The following CYFIP1 variants were observed in gnomAD, a reference collection of about 807,000 sequenced individuals.
CYFIP1 encodes the protein cytoplasmic FMR1-interacting protein 1.
Under a neutral mutation model 163.5 loss-of-function variants are expected in CYFIP1, and 58 were observed. That is an observed-to-expected ratio of 0.35 (90% CI 0.29 to 0.44). The LOEUF is 0.44. Among genes scored for constraint, CYFIP1 ranks in the 20% least tolerant of loss-of-function variants. CYFIP1 has a pLI of 1.00. For synonymous variants in CYFIP1, 663 were observed against 660.7 expected (o/e 1.00, Z -0.05); for missense variants, 1,338 against 1,653.8 (o/e 0.81, Z 3.31).
intron 22 of CYFIP1, among the ~76,000 whole-genome samples, chr15:22,893,383 A>C (rs1329217790): frequency 6.6e-6 from 1 of 152,174 alleles, no homozygotes; most frequent in African/African-American, 2.4e-5. Flanking sequence ...AGGGACACTT[A>C]GGTATTTGTA....
intron 18 of CYFIP1, 120 bp from the exon 19 acceptor site, chr15:22,910,933 G>A (rs148125431): frequency 2.0e-5 from 17 of 869,904 alleles, no homozygotes; most frequent in East Asian, 7.3e-5. Context: ...TTTTTGAGAC[G>A]GAGTCTTGCT....
chr15:22,911,673 G>A (rs1452411343), intron 18 of CYFIP1, among the ~76,000 whole-genome samples: 4 of 152,180 alleles, frequency 2.6e-5, no homozygotes, highest in African/African-American at 9.7e-5. Flanking sequence ...CTGCAGGGCC[G>A]GGGACCTGTG....
At chr15:22,910,413 T>C (rs1229479171) in intron 20 of CYFIP1, 107 bp downstream of exon 20, 1 of 844,060 alleles carries the variant, frequency 1.2e-6, no homozygotes, top group Non-Finnish European at 1.9e-6. Flanking sequence ...CCGCCCACCT[T>C]GGCCTCCCAG....
At position 22,873,692 on chromosome 15, in the gene CYFIP1, T is replaced by G. The variant is rs754540890; in HGVS notation, c.3248A>C (p.Lys1083Thr). ...AIAREGDLLT[K>T]ERLCCGLSMF... Reference sequence around the variant, plus strand: ...GGACAGGCCGCAGCAGAGGCGCTCCTTTGTCAGCAGGTCCCCCTCTCTTGC... The same window carrying G: ...GGACAGGCCGCAGCAGAGGCGCTCCGTTGTCAGCAGGTCCCCCTCTCTTGC... Residue 1083 changes from lysine to threonine, a missense_variant, in exon 29 of 31, where the codon AAG becomes ACG. Physicochemically the swap from Lys to Thr is moderately conservative, Grantham distance 78. Transcript: ENST00000617928. 1 of 1,613,914 alleles carries G rather than the reference T, an allele frequency of 6.2e-7. No homozygotes were observed. The highest frequency in any genetic ancestry group is 1.1e-5 in the South Asian group (1 of 91,082).
intron 11 of CYFIP1, among the ~76,000 whole-genome samples, chr15:22,931,898 T>C (rs544244740): frequency 1.3e-5 from 2 of 152,102 alleles, no homozygotes; most frequent in Non-Finnish European, 2.9e-5. Context: ...GATACACAAA[T>C]ACATACCATT....
At chr15:22,943,922 AC>A (rs758786248) in intron 5 of CYFIP1, among the ~76,000 whole-genome samples, 1 of 152,262 alleles carries the variant, frequency 6.6e-6, no homozygotes, top group East Asian at 1.9e-4. Flanking sequence ...GCAAGAAAAT[AC>A]CTGAAAGAGC....
intron 22 of CYFIP1, among the ~76,000 whole-genome samples, chr15:22,894,616 C>T (rs2060177041): frequency 6.6e-6 from 1 of 151,702 alleles, no homozygotes. Flanking sequence ...ACTATGTCTG[C>T]TTAGAACACA....
At chr15:22,947,595 C>T (rs569112871) in intron 1 of CYFIP1, among the ~76,000 whole-genome samples, 10 of 152,192 alleles carry the variant, frequency 6.6e-5, no homozygotes, top group East Asian at 1.9e-4. Flanking sequence ...TGGGGGCCGC[C>T]GTCCTGAGTT....
intron 13 of CYFIP1, among the ~76,000 whole-genome samples, chr15:22,923,286 T>C (rs969326948): frequency 6.6e-6 from 1 of 152,024 alleles, no homozygotes; most frequent in Non-Finnish European, 1.5e-5. Flanking sequence ...ATAACCTAAT[T>C]AAAAATGGGC....
intron 1 of CYFIP1, among the ~76,000 whole-genome samples, chr15:22,979,738 A>G (rs1486341128): frequency 6.6e-6 from 1 of 152,136 alleles, no homozygotes; most frequent in Non-Finnish European, 1.5e-5. Context: ...CTCCTTAACA[A>G]AGCCCAAAAC....
intron 23 of CYFIP1, among the ~76,000 whole-genome samples, chr15:22,884,469 T>TC (rs2059874886): frequency 6.6e-6 from 1 of 152,190 alleles, no homozygotes; most frequent in Non-Finnish European, 1.5e-5. Flanking sequence ...CTCCTTTGAC[T>TC]CCGTGTCTCT....
chr15:22,931,685 T>TG (rs1403835954), intron 11 of CYFIP1, among the ~76,000 whole-genome samples: 4 of 30,702 alleles, frequency 1.3e-4, no homozygotes, highest in African/African-American at 6.8e-4. Flanking sequence ...AATGTTTTTC[T>TG]GAAAAAAAAA....
chr15:22,885,011 G>A (rs566720022), intron 23 of CYFIP1, among the ~76,000 whole-genome samples: 2 of 152,092 alleles, frequency 1.3e-5, no homozygotes, highest in South Asian at 2.1e-4. Context: ...GGGCAGGGCA[G>A]GCCCTGGGCC....
At chr15:22,980,031 A>G (rs1567061626) in intron 1 of CYFIP1, among the ~76,000 whole-genome samples, 3 of 151,756 alleles carry the variant, frequency 2.0e-5, no homozygotes, top group African/African-American at 7.3e-5. Context: ...CCGGGGGCGC[A>G]GGGACCGGGA....
chr15:22,879,114 T>C (rs1162043386), intron 26 of CYFIP1, among the ~76,000 whole-genome samples: 12 of 142,554 alleles, frequency 8.4e-5, no homozygotes, highest in East Asian at 2.0e-4. Context: ...CCAGCCGGGG[T>C]GACAGAGCAA....
intron 8 of CYFIP1, 55 bp downstream of exon 8, chr15:22,939,137 C>G: frequency 6.2e-7 from 1 of 1,606,428 alleles, no homozygotes; most frequent in Non-Finnish European, 8.5e-7. Context: ...AGCCTATTGA[C>G]AAGAGTAAGG....
At chr15:22,922,897 CAGG>C (rs1158562475) in intron 13 of CYFIP1, among the ~76,000 whole-genome samples, 1 of 151,702 alleles carries the variant, frequency 6.6e-6, no homozygotes, top group Non-Finnish European at 1.5e-5. Context: ...GAGGCTGAAG[CAGG>C]AGAATTGCTT....
In CYFIP1 at chr15:22,897,929, A is replaced by C. The variant is rs547394404; in HGVS notation, c.2589-4952T>G. ...GGCTATGGGATGCCCATGTGGTTTCAGGAGCTGTTTCTGTTAAGGTCCCTG... is the reference window on the plus strand; with the variant it reads ...GGCTATGGGATGCCCATGTGGTTTCCGGAGCTGTTTCTGTTAAGGTCCCTG... On this transcript the variant is annotated intron_variant, in intron 22 of 30. Transcript: ENST00000617928. Among the ~76,000 whole-genome samples the C allele has an allele frequency of 2.0e-5, 3 of 152,330 alleles. No individual in the cohort carries two copies. In the East Asian group the frequency reaches 5.8e-4, roughly 29 times the overall value.
chr15:22,979,810 G>A (rs561398536), intron 1 of CYFIP1, among the ~76,000 whole-genome samples: 3 of 152,222 alleles, frequency 2.0e-5, no homozygotes, highest in South Asian at 4.2e-4. Flanking sequence ...TCCTCACAGG[G>A]GCACGAAACA....
Sources: gnomAD v4.1 joint callset for allele counts (sites outside exome capture counted in the v4.1 genomes callset) on GRCh38, gnomAD v4.1.1 for gene constraint, MANE v1.5 for transcripts, NCBI Gene and HGNC (gene_info 2026-07-23, HGNC 2026-07-21) for gene names.